Variants in ROBO2 observed in about 807,000 individuals in gnomAD.
The protein encoded by ROBO2 is roundabout homolog 2.
In ROBO2, 53 loss-of-function variants were observed where a neutral mutation model predicts 160.8. The observed-to-expected ratio is 0.33, with a 90% confidence interval of 0.26 to 0.41. The LOEUF (loss-of-function observed/expected upper bound fraction) is 0.41, where lower values mean the gene tolerates loss of function less well. Ranked by LOEUF, ROBO2 falls within the 10% of genes least tolerant of loss-of-function variation. ROBO2 has a pLI of 1.00. For missense variants in ROBO2, 1,577 were observed against 1,722.4 expected (o/e 0.92, Z 1.49); for synonymous variants, 664 against 611.7 (o/e 1.09, Z -1.26).
intron 2 of ROBO2, among the ~76,000 whole-genome samples, chr3:76,315,125 G>A (rs2071903444): frequency 6.6e-6 from 1 of 152,100 alleles, no homozygotes; most frequent in African/African-American, 2.4e-5. Flanking sequence ...AACTAAGAGG[G>A]GGAATTAGAC....
In ROBO2 at chr3:76,869,354, T is replaced by TG. The variant is rs1448702286; in HGVS notation, c.110-228660_110-228659insG. ...AGTAGAAATTGATGTTTTTTTTTTT[T>TG]TTTTTTTTTTTTTGAGACGGAGTCT... On this transcript the variant is annotated intron_variant, in intron 2 of 26. Coordinates refer to the ROBO2 transcript ENST00000487694. Among the ~76,000 whole-genome samples, 9 of 137,038 alleles carry TG rather than the reference T, an allele frequency of 6.6e-5. No individual in the cohort carries two copies. The South Asian group carries it at 7.4e-4, about 11-fold the overall frequency. 89.9% of individuals were successfully genotyped at this position (137,038 alleles called of 152,430 possible). A position where few individuals can be genotyped will look rare whatever the true frequency, so the allele number is the denominator to read the frequency against.
intron 2 of ROBO2, among the ~76,000 whole-genome samples, chr3:76,157,025 T>A (rs2072433850): frequency 6.6e-6 from 1 of 151,976 alleles, no homozygotes; most frequent in African/African-American, 2.4e-5. Flanking sequence ...AAAGTATGTG[T>A]GTGGATATGT....
intron 2 of ROBO2, among the ~76,000 whole-genome samples, chr3:76,081,861 C>CACACA (rs397936304): frequency 1.3e-5 from 2 of 151,310 alleles, no homozygotes; most frequent in Non-Finnish European, 2.9e-5. Context: ...CACACACACA[C>CACACA]CAGAAAAACT....
At chr3:77,044,048 T>C (rs547087344) in intron 1 of ROBO2, among the ~76,000 whole-genome samples, 1 of 152,262 alleles carries the variant, frequency 6.6e-6, no homozygotes, top group African/African-American at 2.4e-5. Flanking sequence ...GAAATGTGTT[T>C]TTGAAGCTAT....
chr3:77,620,697 C>A (rs929293205), intron 22 of ROBO2, among the ~76,000 whole-genome samples: 19 of 152,074 alleles, frequency 1.2e-4, no homozygotes, highest in Admixed American at 1.2e-3. Context: ...CATCTAGAAT[C>A]CTGTTAACAT....
chr3:77,322,001 G>A (rs959048296), intron 2 of ROBO2, among the ~76,000 whole-genome samples: 3 of 152,086 alleles, frequency 2.0e-5, no homozygotes, highest in East Asian at 3.9e-4. Context: ...GAGATAACAG[G>A]GCTTCAAGTA....
At chr3:77,569,466 T>TA (rs1559633550) in intron 13 of ROBO2, among the ~76,000 whole-genome samples, 2 of 152,024 alleles carry the variant, frequency 1.3e-5, no homozygotes, top group Non-Finnish European at 2.9e-5. Flanking sequence ...ACTTTTTTTT[T>TA]AGAGAAATGT....
intron 2 of ROBO2, among the ~76,000 whole-genome samples, chr3:75,994,144 A>T (rs2065658443): frequency 6.6e-6 from 1 of 152,104 alleles, no homozygotes; most frequent in South Asian, 2.1e-4. Context: ...AAGGTGATCC[A>T]ATTAACTTTA....
Position 77,622,425 on chromosome 3 carries a change from T to C in ROBO2, c.3753T>C (p.Ser1251=), listed in dbSNP as rs201292837. 112 of 1,613,854 alleles carry C rather than the reference T, an allele frequency of 6.9e-5. No homozygotes were observed. In the East Asian group the frequency reaches 2.3e-3, roughly 32 times the overall value. ...CCAGCATGGACAATCTAGACAGCTC[T>C]GTGACAGGTAACGGAACCAATTTAA... is the stretch of plus-strand genomic sequence containing the variant. Residue 1251 remains serine, a synonymous_variant, in exon 23 of 26, where the codon TCT becomes TCC. Coordinates refer to ENST00000461745, the Ensembl canonical transcript of ROBO2.
intron 21 of ROBO2, 69 bp downstream of exon 22, chr3:77,608,023 A>G: frequency 6.6e-7 from 1 of 1,516,548 alleles, no homozygotes; most frequent in Non-Finnish European, 9.1e-7. Context: ...CATTTTTGCC[A>G]TCATCTTATG....
At chr3:76,873,402 C>A (rs962820427) in intron 2 of ROBO2, among the ~76,000 whole-genome samples, 2 of 152,114 alleles carry the variant, frequency 1.3e-5, no homozygotes, top group African/African-American at 4.8e-5. Context: ...TATCAGCAAA[C>A]AAAACTTTTT....
At position 77,192,443 on chromosome 3, in the gene ROBO2, T is replaced by C. The variant is rs72891577; in HGVS notation, c.388+94103T>C. ...AATAAGTATAACTTTAAATGTTGAA[T>C]GTAGCTATTCAAGTTTGGTCATCAT... On this transcript the variant is annotated intron_variant, in intron 2 of 25. Transcript: ENST00000461745. 5.9e-5 allele frequency among the ~76,000 whole-genome samples: 9 copies of C among 152,260 alleles called. No individual in the cohort carries two copies. In the East Asian group the frequency reaches 1.7e-3, roughly 29 times the overall value.
intron 2 of ROBO2, among the ~76,000 whole-genome samples, chr3:77,301,710 A>G (rs1356783000): frequency 2.6e-5 from 4 of 152,214 alleles, no homozygotes; most frequent in Non-Finnish European, 5.9e-5. Context: ...CATAGTTAAA[A>G]TGATACCTTC....
intron 2 of ROBO2, among the ~76,000 whole-genome samples, chr3:77,354,747 C>T (rs2068827194): frequency 6.6e-6 from 1 of 151,994 alleles, no homozygotes; most frequent in Non-Finnish European, 1.5e-5. Context: ...GTTCAAATGA[C>T]CTGAAAAGGG....
chr3:76,679,064 G>A (rs1165753560), intron 2 of ROBO2, among the ~76,000 whole-genome samples: 1 of 151,946 alleles, frequency 6.6e-6, no homozygotes, highest in African/African-American at 2.4e-5. Context: ...TATGGCAATG[G>A]CCACCAGTGT....
At chr3:76,832,667 G>C (rs148874091) in intron 2 of ROBO2, among the ~76,000 whole-genome samples, 167 of 152,210 alleles carry the variant, frequency 1.1e-3, no homozygotes, top group African/African-American at 4.0e-3. Flanking sequence ...TCAAGGTCAA[G>C]AAAATAAGCA....
chr3:76,171,796 C>T (rs2107007626), intron 2 of ROBO2, among the ~76,000 whole-genome samples: 1 of 151,990 alleles, frequency 6.6e-6, no homozygotes, highest in South Asian at 2.1e-4. Flanking sequence ...ATTGCTGAAG[C>T]TAAATATCTT....
At chr3:77,614,968 C>CAA (rs2094737166) in intron 21 of ROBO2, among the ~76,000 whole-genome samples, 18 of 152,084 alleles carry the variant, frequency 1.2e-4, no homozygotes, top group Admixed American at 1.2e-3. Context: ...TCCGGGCTTC[C>CAA]ACACGTGTTG....
At chr3:77,243,421 C>A (rs2089303347) in intron 2 of ROBO2, among the ~76,000 whole-genome samples, 1 of 152,164 alleles carries the variant, frequency 6.6e-6, no homozygotes, top group African/African-American at 2.4e-5. Context: ...ACTGTTTGAA[C>A]ACCCTGATCT....
Sources: gnomAD v4.1 joint callset for allele counts (sites outside exome capture counted in the v4.1 genomes callset) on GRCh38, gnomAD v4.1.1 for gene constraint, MANE v1.5 for transcripts, NCBI Gene and HGNC (gene_info 2026-07-23, HGNC 2026-07-21) for gene names.